The following EVA1C variants were observed in gnomAD, a reference collection of about 807,000 sequenced individuals.
EVA1C encodes eva-1 homolog C, also known as protein eva-1 homolog C.
EVA1C carries 25 observed loss-of-function variants against 45.4 expected under a neutral mutation model. The ratio of observed to expected loss-of-function variants is 0.55; its 90% CI spans 0.40 to 0.77. EVA1C has a LOEUF of 0.77. EVA1C is among the 30% of genes least tolerant of loss of function. EVA1C has a pLI of 0.00. For synonymous variants in EVA1C, 190 were observed against 221.2 expected, an observed-to-expected ratio of 0.86 and a Z score of 1.25; for missense variants, 479 against 554.8, an observed-to-expected ratio of 0.86 and a Z score of 1.37.
At chr21:32,481,626 G>C (rs1325284060) in intron 4 of EVA1C, among the ~76,000 whole-genome samples, 1 of 151,576 alleles carries the variant, frequency 6.6e-6, no homozygotes, top group Non-Finnish European at 1.5e-5. Context: ...AAAATATTCT[G>C]AAAAAAATGC....
At chr21:32,430,595 T>C (rs1051262399) in intron 1 of EVA1C, among the ~76,000 whole-genome samples, 3 of 152,142 alleles carry the variant, frequency 2.0e-5, no homozygotes, top group Admixed American at 6.6e-5. Flanking sequence ...CTCATGATTA[T>C]AGCAGAAGGT....
At chr21:32,507,825 TTGCATGTGTG>T (rs2037808122) in intron 7 of EVA1C, among the ~76,000 whole-genome samples, 1 of 149,564 alleles carries the variant, frequency 6.7e-6, no homozygotes, top group African/African-American at 2.5e-5. Flanking sequence ...TGTATGTGTG[TTGCATGTGTG>T]TGCATGTGTC....
At chr21:32,484,280 C>G (rs1208657573) in intron 4 of EVA1C, among the ~76,000 whole-genome samples, 1 of 151,988 alleles carries the variant, frequency 6.6e-6, no homozygotes, top group Non-Finnish European at 1.5e-5. Context: ...CAGTGGCTGA[C>G]ACCTGTAATC....
At chr21:32,461,454 C>T (rs796421613) in intron 3 of EVA1C, among the ~76,000 whole-genome samples, 3 of 152,222 alleles carry the variant, frequency 2.0e-5, no homozygotes, top group African/African-American at 7.2e-5. Flanking sequence ...GTGAGATTGT[C>T]TCCACACCTT....
At chr21:32,444,718 G>A (rs928193126) in intron 1 of EVA1C, among the ~76,000 whole-genome samples, 4 of 151,786 alleles carry the variant, frequency 2.6e-5, no homozygotes, top group Non-Finnish European at 5.9e-5. Context: ...AGTTGGGGTT[G>A]GGCTCAAAGT....
intron 5 of EVA1C, chr21:32,496,781 G>A (rs953318152): frequency 1.7e-5 from 12 of 719,102 alleles, no homozygotes; most frequent in Non-Finnish European, 3.0e-5. Context: ...AGACACTGCT[G>A]GGCTGGGGCC....
chr21:32,511,954 T>C (rs1000970063), intron 7 of EVA1C, among the ~76,000 whole-genome samples: 2 of 151,782 alleles, frequency 1.3e-5, no homozygotes, highest in African/African-American at 4.8e-5. Context: ...TAAACTACAT[T>C]ATAGCCAAGA....
intron 3 of EVA1C, among the ~76,000 whole-genome samples, chr21:32,467,272 T>G (rs988007431): frequency 2.0e-5 from 3 of 152,192 alleles, no homozygotes; most frequent in Non-Finnish European, 4.4e-5. Flanking sequence ...GCTTAATGCT[T>G]CTTTCAAGTA....
At chr21:32,428,638 C>T (rs2034579433) in intron 1 of EVA1C, 1 of 152,206 alleles carries the variant, frequency 6.6e-6, no homozygotes, top group African/African-American at 2.4e-5. Context: ...AGAGTCTACT[C>T]TCCACTATTT....
At chr21:32,468,391 C>CA (rs200665323) in intron 4 of EVA1C, among the ~76,000 whole-genome samples, 22,277 of 149,870 alleles carry the variant, frequency 0.15, 1,915 homozygotes, top group East Asian at 0.25. Flanking sequence ...AACAAACAAA[C>CA]AAAAAAACAA....
intron 4 of EVA1C, among the ~76,000 whole-genome samples, chr21:32,476,448 C>T (rs956287610): frequency 1.3e-5 from 2 of 151,968 alleles, no homozygotes; most frequent in Admixed American, 1.3e-4. Flanking sequence ...TTGAGACCAG[C>T]CTGGCCAACA....
intron 1 of EVA1C, 132 bp from the exon 2 acceptor site, chr21:32,453,180 T>A: frequency 6.7e-6 from 4 of 595,128 alleles, no homozygotes; most frequent in Non-Finnish European, 9.1e-6. Context: ...CCAGAGCTGC[T>A]AGGGAGGCCC....
At chr21:32,504,190 T>C (rs2146445624) in intron 7 of EVA1C, among the ~76,000 whole-genome samples, 175 bp downstream of exon 7, 1 of 152,344 alleles carries the variant, frequency 6.6e-6, no homozygotes, top group South Asian at 2.1e-4. Context: ...CAGGCACAGT[T>C]GTAACCAGGC....
At chr21:32,415,347 A>G (rs550010219) in intron 1 of EVA1C, among the ~76,000 whole-genome samples, 1 of 152,258 alleles carries the variant, frequency 6.6e-6, no homozygotes, top group East Asian at 1.9e-4. Context: ...AGGATAGAGG[A>G]AACTTGGGAT....
chr21:32,495,520 C>T (rs1274838888), intron 5 of EVA1C, among the ~76,000 whole-genome samples: 10 of 152,070 alleles, frequency 6.6e-5, no homozygotes, highest in East Asian at 1.9e-4. Flanking sequence ...GGATGTCATG[C>T]GAGTTCACAG....
At chr21:32,491,532 T>A (rs1189244187) in intron 4 of EVA1C, among the ~76,000 whole-genome samples, 1 of 151,220 alleles carries the variant, frequency 6.6e-6, no homozygotes, top group Non-Finnish European at 1.5e-5. Flanking sequence ...CTACTAAAAA[T>A]ACAAAAATTA....
intron 7 of EVA1C, among the ~76,000 whole-genome samples, chr21:32,508,419 A>G (rs1198725806): frequency 3.3e-5 from 5 of 152,204 alleles, no homozygotes; most frequent in African/African-American, 4.8e-5. Context: ...TTTGGGAGGC[A>G]TAATTGTTTC....
At chr21:32,423,803 G>T (rs566585309) in intron 1 of EVA1C, among the ~76,000 whole-genome samples, 2 of 152,112 alleles carry the variant, frequency 1.3e-5, no homozygotes, top group Non-Finnish European at 2.9e-5. Flanking sequence ...TTTTCCACAC[G>T]CAGAAAACCA....
At chr21:32,435,573 C>T (rs1365791489) in intron 1 of EVA1C, among the ~76,000 whole-genome samples, 72 of 152,196 alleles carry the variant, frequency 4.7e-4, no homozygotes, top group Admixed American at 4.4e-3. Flanking sequence ...TCCCAGCCAA[C>T]GGTACCACTG....
Sources: gnomAD v4.1 joint callset for allele counts (sites outside exome capture counted in the v4.1 genomes callset) on GRCh38, gnomAD v4.1.1 for gene constraint, MANE v1.5 for transcripts, NCBI Gene and HGNC (gene_info 2026-07-23, HGNC 2026-07-21) for gene names.